Variants in SORBS2 observed in about 807,000 individuals in gnomAD.
The protein encoded by SORBS2 is sorbin and SH3 domain-containing protein 2.
A neutral mutation model predicts 97.7 loss-of-function variants in SORBS2; 46 were observed. The ratio of observed to expected loss-of-function variants is 0.47; its 90% confidence interval spans 0.37 to 0.60. The LOEUF (loss-of-function observed/expected upper bound fraction) is 0.60. Ranked by LOEUF, SORBS2 falls within the 20% of genes least tolerant of loss-of-function variation. SORBS2 has a pLI of 0.00. For synonymous variants in SORBS2, 476 were observed against 473.4 expected (o/e 1.01, Z -0.07); for missense variants, 1,316 against 1,282.3 (o/e 1.03, Z -0.40).
intron 1 of SORBS2, among the ~76,000 whole-genome samples, chr4:185,951,070 C>T (rs2099277000): frequency 6.6e-6 from 1 of 152,156 alleles, no homozygotes; most frequent in Non-Finnish European, 1.5e-5. Flanking sequence ...TGACATCATA[C>T]TCAACAAAAC....
chr4:185,805,728 T>C (rs1165643026), intron 1 of SORBS2, among the ~76,000 whole-genome samples: 1 of 152,200 alleles, frequency 6.6e-6, no homozygotes, highest in Non-Finnish European at 1.5e-5. Context: ...TATAAAAATT[T>C]TGAAACCTAG....
chr4:185,806,679 C>T (rs1055279038), intron 1 of SORBS2, among the ~76,000 whole-genome samples: 6 of 151,834 alleles, frequency 4.0e-5, no homozygotes, highest in East Asian at 1.9e-4. Flanking sequence ...GGGATGGTCT[C>T]GATCTCCTGA....
At chr4:185,807,585 G>C (rs114315369) in intron 1 of SORBS2, among the ~76,000 whole-genome samples, 1 of 152,064 alleles carries the variant, frequency 6.6e-6, no homozygotes, top group Non-Finnish European at 1.5e-5. Context: ...CTGGTTCCCC[G>C]TCATTTATTC....
intron 1 of SORBS2, among the ~76,000 whole-genome samples, chr4:185,898,652 T>C (rs566215018): frequency 3.8e-4 from 58 of 152,326 alleles, no homozygotes; most frequent in African/African-American, 1.4e-3. Context: ...CTCAGCCTTA[T>C]TGCTTGTCTT....
In SORBS2 at chr4:185,623,985, G is replaced by A. The variant is rs537816220; in HGVS notation, c.1144C>T (p.Leu382=). Reference sequence around the variant, plus strand: ...TGCTGCTGCTCGCTCTCGTACTGCAGAATCCTGGACTTCACGGAGCAGATC... The same window carrying A: ...TGCTGCTGCTCGCTCTCGTACTGCAAAATCCTGGACTTCACGGAGCAGATC... The change falls in exon 7 of 15, where the codon CTG becomes TTG. Residue 382 remains leucine (L), a synonymous_variant. Coordinates refer to ENST00000418609, the Ensembl canonical transcript of SORBS2. This position sits in a 1 kb window ranked among gnomAD's most constrained non-coding sequence, Gnocchi z 6.4. The A allele has an allele frequency of 6.2e-7, 1 of 1,614,226 alleles. No homozygotes were observed. The highest frequency in any genetic ancestry group is 1.7e-5 in the Admixed American group (1 of 60,030).
At chr4:185,762,498 A>G (rs2098902366) in intron 2 of SORBS2, among the ~76,000 whole-genome samples, 1 of 152,154 alleles carries the variant, frequency 6.6e-6, no homozygotes, top group Non-Finnish European at 1.5e-5. Context: ...TGGGCAAAAA[A>G]AAAAAAGGGC....
At chr4:185,674,680 A>G (rs180701344) in intron 4 of SORBS2, among the ~76,000 whole-genome samples, 1 of 150,886 alleles carries the variant, frequency 6.6e-6, no homozygotes, top group Admixed American at 6.6e-5. Context: ...ACTTCCTATC[A>G]CTCTCACCTC....
At chr4:185,946,416 A>C (rs1402032875) in intron 1 of SORBS2, among the ~76,000 whole-genome samples, 1 of 152,230 alleles carries the variant, frequency 6.6e-6, no homozygotes, top group Non-Finnish European at 1.5e-5. Context: ...CAACAAGCCT[A>C]CAAATATGTT....
intron 1 of SORBS2, among the ~76,000 whole-genome samples, chr4:185,915,227 T>C (rs184175714): frequency 3.5e-4 from 54 of 152,356 alleles, no homozygotes; most frequent in Admixed American, 2.4e-3. Context: ...GAGACCCGAA[T>C]GGAACTGAAT....
intron 1 of SORBS2, among the ~76,000 whole-genome samples, chr4:185,784,644 G>T (rs1181262354): frequency 6.6e-6 from 1 of 152,148 alleles, no homozygotes; most frequent in African/African-American, 2.4e-5. Context: ...TTCCATGAAA[G>T]CTAGAAACAG....
chr4:185,882,875 A>G (rs1561265361), intron 1 of SORBS2, among the ~76,000 whole-genome samples: 1 of 152,202 alleles, frequency 6.6e-6, no homozygotes, highest in Non-Finnish European at 1.5e-5. Context: ...AAATCAAAAC[A>G]CAAACATCTC....
intron 1 of SORBS2, among the ~76,000 whole-genome samples, chr4:185,886,154 T>C (rs1298070733): frequency 1.3e-5 from 2 of 152,200 alleles, no homozygotes; most frequent in Admixed American, 6.5e-5. Context: ...CATAGTGACT[T>C]GTTCCCGGAC....
intron 2 of SORBS2, among the ~76,000 whole-genome samples, chr4:185,721,606 A>G (rs1179470643): frequency 6.6e-6 from 1 of 152,244 alleles, no homozygotes; most frequent in African/African-American, 2.4e-5. Context: ...TAATGGAGAA[A>G]TAACTTTTTT....
intron 2 of SORBS2, among the ~76,000 whole-genome samples, chr4:185,764,574 C>T (rs1234320721): frequency 6.6e-6 from 1 of 152,116 alleles, no homozygotes; most frequent in Non-Finnish European, 1.5e-5. Flanking sequence ...ATTATACTAT[C>T]TGTGATAAAT....
chr4:185,938,283 C>T (rs953417645), intron 1 of SORBS2, among the ~76,000 whole-genome samples: 3 of 151,920 alleles, frequency 2.0e-5, no homozygotes, highest in African/African-American at 7.3e-5. Context: ...CAGGCGTGAG[C>T]CACCACGCCT....
intron 1 of SORBS2, among the ~76,000 whole-genome samples, chr4:185,924,180 T>C (rs976956384): frequency 6.6e-6 from 1 of 152,188 alleles, no homozygotes; most frequent in Non-Finnish European, 1.5e-5. Flanking sequence ...GATGCTCTCC[T>C]GCCTTCAGGG....
intron 1 of SORBS2, among the ~76,000 whole-genome samples, chr4:185,890,858 G>A (rs181051582): frequency 1.3e-5 from 2 of 152,326 alleles, no homozygotes; most frequent in Admixed American, 1.3e-4. Context: ...CTAGAAAACA[G>A]GCTTTTTAAG....
chr4:185,678,275 A>G, intron 4 of SORBS2, 148 bp downstream of exon 7: 1 of 661,242 alleles, frequency 1.5e-6, no homozygotes, highest in Middle Eastern at 4.0e-4. Context: ...TGTTGTAAAT[A>G]CAAACCTGGC....
chr4:185,825,023 C>T (rs1228424397), intron 1 of SORBS2, among the ~76,000 whole-genome samples: 1 of 152,164 alleles, frequency 6.6e-6, no homozygotes, highest in Non-Finnish European at 1.5e-5. Context: ...TCTCCAAATA[C>T]AGGCACTGCT....
Sources: gnomAD v4.1 joint callset for allele counts (sites outside exome capture counted in the v4.1 genomes callset) on GRCh38, gnomAD v4.1.1 for gene constraint, Gnocchi (gnomAD v3.1) non-coding constraint, MANE v1.5 for transcripts, NCBI Gene and HGNC (gene_info 2026-07-23, HGNC 2026-07-21) for gene names.